DDX4: variants seen among roughly 807,000 people sequenced by gnomAD.
DDX4 encodes the protein probable ATP-dependent RNA helicase DDX4.
A neutral mutation model predicts 100.0 loss-of-function variants in DDX4; 25 were observed. The observed-to-expected ratio is 0.25, with a 90% CI of 0.18 to 0.35. The LOEUF is 0.35. DDX4 is among the 10% of genes least tolerant of loss of function. DDX4 has a pLI of 1.00. For synonymous variants in DDX4, 259 were observed against 275.7 expected (o/e 0.94, Z 0.60); for missense variants, 635 against 882.4 (o/e 0.72, Z 3.55).
intron 7 of DDX4, among the ~76,000 whole-genome samples, chr5:55,771,671 TAC>T (rs1370531480): frequency 6.6e-6 from 1 of 152,238 alleles, no homozygotes; most frequent in Non-Finnish European, 1.5e-5. Context: ...TAAACTAAGA[TAC>T]ACTCACATTC....
chr5:55,740,455 C>T (rs571015942), intron 2 of DDX4, among the ~76,000 whole-genome samples: 30 of 151,806 alleles, frequency 2.0e-4, no homozygotes, highest in South Asian at 6.2e-4. Context: ...CATGAGCCAC[C>T]GTGCCCAGCC....
intron 16 of DDX4, among the ~76,000 whole-genome samples, chr5:55,792,117 CCTT>C (rs1742606730): frequency 1.7e-5 from 2 of 121,192 alleles, no homozygotes; most frequent in Non-Finnish European, 3.3e-5. Flanking sequence ...CAGCAAGACT[CCTT>C]CTCAAAAAAA....
At chr5:55,785,577 C>A in intron 12 of DDX4, 83 bp downstream of exon 12, 1 of 1,353,782 alleles carries the variant, frequency 7.4e-7, no homozygotes, top group Non-Finnish European at 1.0e-6. Flanking sequence ...ACAAAGTTAT[C>A]TTTTAAAAAT....
In DDX4 at chr5:55,788,013, G is replaced by A. The variant is rs758930931; in HGVS notation, c.1172+13G>A. 1 of 1,600,574 alleles carries A rather than the reference G, an allele frequency of 6.2e-7. No homozygotes were observed. The highest frequency in any genetic ancestry group is 1.8e-5 in the Admixed American group (1 of 57,100). On this transcript the variant is annotated intron_variant, in intron 15 of 21. Coordinates refer to ENST00000505374, the MANE Select transcript of DDX4 (RefSeq NM_024415.3). ...AATTTTCTTTTGGGTAAGTACATCA[G>A]AGTGCTACTCACAAAATAGTTTTTT... is the stretch of plus-strand genomic sequence containing the variant.
chr5:55,785,628 C>T, intron 12 of DDX4, 101 bp from the exon 13 acceptor site: 1 of 1,281,506 alleles, frequency 7.8e-7, no homozygotes, highest in Non-Finnish European at 1.1e-6. Context: ...TGGGAAGTTC[C>T]ATAGTATTTA....
At chr5:55,763,275 T>G in intron 5 of DDX4, 23 bp downstream of exon 5, 3 of 1,450,870 alleles carry the variant, frequency 2.1e-6, no homozygotes, top group Non-Finnish European at 2.9e-6. Flanking sequence ...TTATGATATC[T>G]TACAATCAAA....
intron 7 of DDX4, among the ~76,000 whole-genome samples, chr5:55,775,056 A>G (rs1319191943): frequency 6.6e-6 from 1 of 152,174 alleles, no homozygotes; most frequent in Non-Finnish European, 1.5e-5. Flanking sequence ...GGTAACCTCT[A>G]TTCCATGTTC....
intron 18 of DDX4, 65 bp downstream of exon 18, chr5:55,798,636 T>C: frequency 3.5e-6 from 5 of 1,443,340 alleles, no homozygotes; most frequent in African/African-American, 1.4e-5. Context: ...ATTTAAAAAA[T>C]CACTAAAGAA....
At chr5:55,803,273 T>C (rs1743444362) in intron 18 of DDX4, among the ~76,000 whole-genome samples, 1 of 151,898 alleles carries the variant, frequency 6.6e-6, no homozygotes, top group African/African-American at 2.4e-5. Flanking sequence ...ACAAAGGACA[T>C]GAACTCATCA....
chr5:55,801,706 G>A (rs2619046), intron 18 of DDX4, among the ~76,000 whole-genome samples: 51,702 of 151,916 alleles, frequency 0.34, 9,674 homozygotes, highest in East Asian at 0.47. Flanking sequence ...AACAATAAAT[G>A]GGCCTCCTTA....
chr5:55,800,031 AT>A (rs1436852531), intron 18 of DDX4, among the ~76,000 whole-genome samples: 1 of 152,214 alleles, frequency 6.6e-6, no homozygotes, highest in Non-Finnish European at 1.5e-5. Flanking sequence ...AGTTTGAGAA[AT>A]TTTATTGGTT....
At chr5:55,789,241 A>G (rs1469320277) in intron 15 of DDX4, among the ~76,000 whole-genome samples, 2 of 152,234 alleles carry the variant, frequency 1.3e-5, no homozygotes, top group Non-Finnish European at 2.9e-5. Flanking sequence ...ATCGCTGCCT[A>G]ACAAACTCCC....
chr5:55,743,432 CTT>C (rs1290347031), intron 2 of DDX4, among the ~76,000 whole-genome samples: 2 of 152,048 alleles, frequency 1.3e-5, no homozygotes, highest in African/African-American at 4.8e-5. Flanking sequence ...TTTTCTCTCT[CTT>C]TCTTTTCTTT....
intron 7 of DDX4, among the ~76,000 whole-genome samples, chr5:55,773,638 T>G (rs1456477526): frequency 6.6e-6 from 1 of 152,102 alleles, no homozygotes; most frequent in South Asian, 2.1e-4. Flanking sequence ...TGTTTTTTTA[T>G]TTTTTTGAGA....
chr5:55,808,970 C>T (rs991159372), intron 18 of DDX4, among the ~76,000 whole-genome samples: 2 of 152,196 alleles, frequency 1.3e-5, no homozygotes, highest in East Asian at 1.9e-4. Context: ...CCACCCAGTT[C>T]GAGCTTCCTG....
rs74978851 is a variant in DDX4, at chr5:55,741,986, G to A, written c.69+2954G>A. 1,440 of 317,494 alleles carry A rather than the reference G, an allele frequency of 4.5e-3. 16 individuals are homozygous for A. Among genetic ancestry groups the A allele is most frequent in the African/African-American group, 0.027 (1,271 of 46,638 alleles). The allele number at this position is 317,494 out of a possible 1,614,324, so 19.7% of individuals were successfully genotyped here. On this transcript the variant is annotated intron_variant, in intron 2 of 21. Transcript: ENST00000505374. ...ATCCTTTTCTGAGTGCTTCTCAGGA[G>A]CTTTATTTGGAGACTTAATGTTGAC...
chr5:55,774,165 T>C (rs1008344042), intron 7 of DDX4, among the ~76,000 whole-genome samples: 2 of 152,016 alleles, frequency 1.3e-5, no homozygotes, highest in African/African-American at 4.8e-5. Context: ...TTTTTTTGTT[T>C]TTGAGACAGA....
At chr5:55,752,131 A>C (rs1399117086) in intron 3 of DDX4, among the ~76,000 whole-genome samples, 1 of 151,800 alleles carries the variant, frequency 6.6e-6, no homozygotes, top group African/African-American at 2.4e-5. Flanking sequence ...CATAATAGAA[A>C]ATTTACTGTC....
At chr5:55,746,044 G>A in intron 2 of DDX4, 120 bp from the exon 3 acceptor site, 1 of 736,200 alleles carries the variant, frequency 1.4e-6, no homozygotes, top group South Asian at 1.9e-5. Flanking sequence ...AAACCTTACA[G>A]TCTATCATTA....
Sources: allele counts gnomAD v4.1 joint callset (sites outside exome capture counted in the v4.1 genomes callset), GRCh38; gene constraint gnomAD v4.1.1; transcripts MANE v1.5; gene names NCBI Gene and HGNC (gene_info 2026-07-23, HGNC 2026-07-21).